Variants in MICAL2 observed in about 807,000 individuals in gnomAD.
MICAL2 encodes the protein microtubule associated monooxygenase, calponin and LIM domain containing 2.
In MICAL2, 77 loss-of-function variants were observed where a neutral mutation model predicts 127.3. The ratio of observed to expected loss-of-function variants is 0.60; its 90% CI spans 0.50 to 0.73. The LOEUF (loss-of-function observed/expected upper bound fraction) is 0.73. Ranked by LOEUF, MICAL2 falls within the 30% of genes least tolerant of loss-of-function variation. The probability of loss-of-function intolerance (pLI) is 0.00; values close to 1 mark genes in which losing one functional copy is unlikely to be tolerated. For synonymous variants in MICAL2, 570 were observed against 551.1 expected, an observed-to-expected ratio of 1.03 and a Z score of -0.48; for missense variants, 1,351 against 1,434.4, an observed-to-expected ratio of 0.94 and a Z score of 0.94.
intron 2 of MICAL2, among the ~76,000 whole-genome samples, chr11:12,140,051 G>A (rs755182802): frequency 6.6e-6 from 1 of 152,098 alleles, no homozygotes; most frequent in Non-Finnish European, 1.5e-5. Context: ...GGGACTGACT[G>A]CCAGTTTCAT....
chr11:12,258,789 T>G (rs912474806), intron 25 of MICAL2, among the ~76,000 whole-genome samples: 3 of 152,254 alleles, frequency 2.0e-5, no homozygotes, highest in Admixed American at 6.5e-5. Flanking sequence ...CCATGCTGGC[T>G]TCTCATAAGA....
At chr11:12,155,366 T>C (rs929725706) in intron 2 of MICAL2, among the ~76,000 whole-genome samples, 15 of 152,334 alleles carry the variant, frequency 9.8e-5, no homozygotes, top group African/African-American at 3.6e-4. Flanking sequence ...TACATATACA[T>C]GTGTATTTGC....
rs117104822 is a variant in MICAL2, at chr11:12,243,657, G to C, written c.2659-330G>C. On this transcript the variant is annotated intron_variant, in intron 20 of 27. Coordinates refer to ENST00000683283, the MANE Select transcript of MICAL2 (RefSeq NM_001282663.2). ...CCCAGGGTTCTCCTCTCCTAAGCTC[G>C]CAGCTGCTACTTCATACCAAGCTCC... is the stretch of plus-strand genomic sequence containing the variant. Among the ~76,000 whole-genome samples the C allele has an allele frequency of 2.0e-3, 308 of 152,306 alleles. 2 individuals carry two copies. Among genetic ancestry groups the C allele is most frequent in the Non-Finnish European group, 3.2e-3 (215 of 68,030 alleles).
At chr11:12,350,262 A>G (rs566021787) in intron 33 of MICAL2, among the ~76,000 whole-genome samples, 18 of 152,272 alleles carry the variant, frequency 1.2e-4, no homozygotes, top group South Asian at 4.1e-4. Context: ...CACACCTGCA[A>G]TGGGAAGGCT....
At chr11:12,201,488 A>G (rs10831761) in intron 3 of MICAL2, among the ~76,000 whole-genome samples, 35,060 of 151,160 alleles carry the variant, frequency 0.23, 5,004 homozygotes, top group Non-Finnish European at 0.31. Context: ...GTGGGTGCGC[A>G]TTCCCTTGCC....
rs113514029 is a variant in MICAL2 at position 12,255,376 on chromosome 11, C to T, written c.2848-267C>T. On this transcript the variant is annotated intron_variant, in intron 22 of 27. Coordinates refer to ENST00000683283, the MANE Select transcript of MICAL2 (RefSeq NM_001282663.2). ...ACCACTGTTCTACTGCCTGTCTCTA[C>T]GATTTTGACTACTCTAGGTACCACA... 4.2e-3 allele frequency: 1,886 copies of T among 448,090 alleles called. 26 individuals carry two copies. The highest frequency in any genetic ancestry group is 0.033 in the African/African-American group (1,674 of 50,934). 27.8% of individuals were successfully genotyped at this position (448,090 alleles called of 1,614,324 possible).
At chr11:12,359,678 G>C (rs1226885658), downstream of MICAL2, among the ~76,000 whole-genome samples, 3 of 152,154 alleles carry the variant, frequency 2.0e-5, no homozygotes, top group Non-Finnish European at 4.4e-5. Flanking sequence ...GCATTATGAG[G>C]GTTCCCATGG....
chr11:12,207,231 C>T (rs530730757), intron 4 of MICAL2, among the ~76,000 whole-genome samples: 1 of 152,292 alleles, frequency 6.6e-6, no homozygotes, highest in East Asian at 1.9e-4. Flanking sequence ...CCATGTCTTG[C>T]CCCATTCTAT....
At chr11:12,343,406 T>TAAAAAAA (rs57546290) in intron 32 of MICAL2, among the ~76,000 whole-genome samples, 38,719 of 107,732 alleles carry the variant, frequency 0.36, 7,967 homozygotes, top group Non-Finnish European at 0.5. Flanking sequence ...TTCATCTCAT[T>TAAAAAAA]AAAAAAAAAA....
At chr11:12,116,321 A>G (rs527374544) in intron 1 of MICAL2, among the ~76,000 whole-genome samples, 22 of 149,388 alleles carry the variant, frequency 1.5e-4, no homozygotes, top group Admixed American at 4.7e-4. Flanking sequence ...CCTCAAATGA[A>G]ATTTTTCTAA....
intron 1 of MICAL2, among the ~76,000 whole-genome samples, chr11:12,123,835 A>T (rs761037526): frequency 6.6e-6 from 1 of 152,106 alleles, no homozygotes; most frequent in Non-Finnish European, 1.5e-5. Context: ...TCCTCTGAAC[A>T]TGCCTTAGTT....
chr11:12,197,850 CAG>C (rs1232409079), intron 3 of MICAL2: 8 of 152,312 alleles, frequency 5.3e-5, no homozygotes, highest in Admixed American at 1.3e-4. Context: ...AAGGGAAGAA[CAG>C]AGAGAAACGG....
chr11:12,288,530 ACT>A (rs1026539240), downstream of MICAL2, among the ~76,000 whole-genome samples: 5 of 152,070 alleles, frequency 3.3e-5, no homozygotes, highest in African/African-American at 1.2e-4. Context: ...GGCCTGGGAA[ACT>A]CAGCCTTTAG....
upstream of MICAL2, among the ~76,000 whole-genome samples, chr11:12,272,922 C>CAAAGCAAGCCTTGCCGCCA (rs1863688486): frequency 6.6e-6 from 1 of 152,240 alleles, no homozygotes; most frequent in Admixed American, 6.5e-5. Flanking sequence ...TACCACAGGT[C>CAAAGCAAGCCTTGCCGCCA]AAAGCAAGCC....
chr11:12,312,284 A>G (rs893897624), intron 29 of MICAL2, among the ~76,000 whole-genome samples: 5 of 148,282 alleles, frequency 3.4e-5, no homozygotes, highest in South Asian at 2.1e-4. Context: ...TTTAGGTTCA[A>G]TTGTGGTTCT....
chr11:12,259,655 G>T, intron 25 of MICAL2, 140 bp from the exon 26 acceptor site: 1 of 715,552 alleles, frequency 1.4e-6, no homozygotes, highest in Non-Finnish European at 2.1e-6. Flanking sequence ...ACCGGCTTCA[G>T]CATGAGTCGG....
chr11:12,333,061 C>A (rs1938678477), intron 32 of MICAL2, among the ~76,000 whole-genome samples: 2 of 152,102 alleles, frequency 1.3e-5, no homozygotes, highest in Admixed American at 6.6e-5. Context: ...AAATATTGAA[C>A]AAACGTATTA....
At chr11:12,262,159 G>T in intron 26 of MICAL2, 1 of 1,216,082 alleles carries the variant, frequency 8.2e-7, no homozygotes, top group Non-Finnish European at 1.0e-6. Context: ...GGACCCCCGA[G>T]GATGAATGCC....
intron 3 of MICAL2, among the ~76,000 whole-genome samples, chr11:12,203,425 G>T (rs1854279624): frequency 1.3e-5 from 2 of 152,132 alleles, no homozygotes; most frequent in South Asian, 4.1e-4. Context: ...CACCACACTT[G>T]CTGTTCTCTT....
Sources: allele counts gnomAD v4.1 joint callset (sites outside exome capture counted in the v4.1 genomes callset), GRCh38; gene constraint gnomAD v4.1.1; transcripts MANE v1.5; gene names NCBI Gene and HGNC (gene_info 2026-07-23, HGNC 2026-07-21).